Variants in RAD21 observed in about 807,000 individuals in gnomAD.
The protein encoded by RAD21 is RAD21 cohesin complex component.
Under a neutral mutation model 71.5 loss-of-function variants are expected in RAD21, and 18 were observed. The ratio of observed to expected loss-of-function variants is 0.25; its 90% CI spans 0.17 to 0.37. The LOEUF (loss-of-function observed/expected upper bound fraction) is 0.37. Ranked by LOEUF, RAD21 falls within the 10% of genes least tolerant of loss-of-function variation. The pLI is 1.00. For synonymous variants in RAD21, 248 were observed against 254.0 expected (o/e 0.98, Z 0.22); for missense variants, 493 against 769.1 (o/e 0.64, Z 4.25).
chr8:116,859,424 G>A (rs182607456), intron 4 of RAD21, among the ~76,000 whole-genome samples: 1 of 151,920 alleles, frequency 6.6e-6, no homozygotes, highest in Admixed American at 6.6e-5. Flanking sequence ...GTAGACATGG[G>A]GGGGCGGGAT....
At chr8:116,855,603 A>T (rs1312916728) in intron 8 of RAD21, among the ~76,000 whole-genome samples, 3 of 152,286 alleles carry the variant, frequency 2.0e-5, no homozygotes, top group African/African-American at 7.2e-5. Flanking sequence ...TACTATATTT[A>T]CTGCCCAAGC....
chr8:116,865,230 T>C (rs1414779897), intron 2 of RAD21, among the ~76,000 whole-genome samples: 1 of 152,128 alleles, frequency 6.6e-6, no homozygotes, highest in Non-Finnish European at 1.5e-5. Context: ...TTCGTGTATA[T>C]GTTCAATTAT....
At chr8:116,873,999 C>T (rs939116583) in intron 1 of RAD21, 1 of 152,240 alleles carries the variant, frequency 6.6e-6, no homozygotes, top group Non-Finnish European at 1.5e-5. Context: ...GCATTCCCAA[C>T]GTAAAAATTA....
intron 8 of RAD21, among the ~76,000 whole-genome samples, chr8:116,855,329 T>C (rs1224173897): frequency 6.6e-6 from 1 of 152,178 alleles, no homozygotes; most frequent in Admixed American, 6.5e-5. Flanking sequence ...TATCCTACTG[T>C]CCTCATAAAC....
intron 8 of RAD21, 129 bp from the exon 9 acceptor site, chr8:116,854,597 A>G (rs1353416668): frequency 1.4e-6 from 1 of 719,144 alleles, no homozygotes; most frequent in Non-Finnish European, 2.3e-6. Flanking sequence ...GTTAAACTTC[A>G]TGAGGATAGA....
At chr8:116,862,784 G>A (rs1812616336) in intron 3 of RAD21, among the ~76,000 whole-genome samples, 1 of 152,022 alleles carries the variant, frequency 6.6e-6, no homozygotes, top group Admixed American at 6.6e-5. Flanking sequence ...TGTCTTTTCT[G>A]AGCTATATTT....
intron 1 of RAD21, among the ~76,000 whole-genome samples, chr8:116,868,232 T>G (rs1210892602): frequency 6.6e-6 from 1 of 152,182 alleles, no homozygotes; most frequent in Non-Finnish European, 1.5e-5. Context: ...TTGAGAAAAT[T>G]ATATAAATGA....
At chr8:116,874,555 G>T in intron 1 of RAD21, 56 bp downstream of exon 1, 1 of 282,738 alleles carries the variant, frequency 3.5e-6, no homozygotes, top group East Asian at 1.3e-4. Context: ...AGAGCGGCGG[G>T]GAAAGGGTGG....
Position 116,860,752 on chromosome 8 carries a change from T to C in RAD21, c.374+1089A>G, listed in dbSNP as rs552369815. On this transcript the variant is annotated intron_variant, in intron 4 of 13. Coordinates refer to ENST00000297338, the MANE Select transcript of RAD21 (RefSeq NM_006265.3). ...CTGTGGTGGAACCAAACCCACAGTA[T>C]CTCCAAGGTATGTCTATATTAAGGA... Among the ~76,000 whole-genome samples, 12 of 152,308 alleles carry C rather than the reference T, an allele frequency of 7.9e-5. No homozygotes were observed. In the South Asian group the frequency reaches 2.5e-3, roughly 32 times the overall value.
chr8:116,870,083 TAA>T (rs1055050635), intron 1 of RAD21, among the ~76,000 whole-genome samples: 5 of 152,146 alleles, frequency 3.3e-5, no homozygotes, highest in East Asian at 1.9e-4. Context: ...CACTTAAGAG[TAA>T]AGAGTCTTGA....
chr8:116,853,989 G>C lies in RAD21; in HGVS notation c.1161+256C>G, dbSNP rs116736936. ...GATATAACTAATAATTTATTACAGA[G>C]AGAAGTATTATTAAACACGTCAGTG... On this transcript the variant is annotated intron_variant, in intron 9 of 13. Transcript: ENST00000297338. Among the ~76,000 whole-genome samples, 686 of 152,220 alleles carry C rather than the reference G, an allele frequency of 4.5e-3. 9 individuals carry two copies. The highest frequency in any genetic ancestry group is 0.016 in the African/African-American group (660 of 41,504).
chr8:116,874,654 G>A lies in RAD21; in HGVS notation c.-76C>T. The stretch of plus-strand genomic sequence containing the variant: ...TTGGGCGGGCTGGGTGGCCCGGGGA[G>A]GGGAAAAGGGTCGGGGGAGGGGGTG... On this transcript the variant is annotated 5_prime_UTR_variant, in exon 1 of 14. Coordinates refer to ENST00000297338, the MANE Select transcript of RAD21 (RefSeq NM_006265.3). 2.7e-6 allele frequency: 1 copy of A among 369,112 alleles called. No homozygotes were observed. The allele number at this position is 369,112 out of a possible 1,614,324, so 22.9% of individuals were successfully genotyped here. A position where few individuals can be genotyped will look rare whatever the true frequency, so the allele number is the denominator to read the frequency against.
rs561864306 is a variant in RAD21 at position 116,847,308 on chromosome 8, C to T, written c.*192G>A. On this transcript the variant is annotated 3_prime_UTR_variant, in exon 14 of 14. Coordinates refer to ENST00000297338, the MANE Select transcript of RAD21 (RefSeq NM_006265.3). The stretch of plus-strand genomic sequence containing the variant: ...TTTCTCCATCAGAACACAAACACAA[C>T]CCATCTAATCAGTTTCCCTCAAAGA... 357 of 512,152 alleles carry T rather than the reference C, an allele frequency of 7.0e-4. 1 individual carries two copies. Among genetic ancestry groups the T allele is most frequent in the Non-Finnish European group, 1.0e-3 (305 of 293,164 alleles). 31.7% of individuals were successfully genotyped at this position (512,152 alleles called of 1,614,324 possible). A position where few individuals can be genotyped will look rare whatever the true frequency, so the allele number is the denominator to read the frequency against.
intron 2 of RAD21, among the ~76,000 whole-genome samples, chr8:116,865,249 C>T (rs1383331119): frequency 6.6e-6 from 1 of 152,064 alleles, no homozygotes; most frequent in African/African-American, 2.4e-5. Context: ...ATCAGATTGT[C>T]TCATACTCGT....
At chr8:116,854,008 G>A (rs1055337275) in intron 9 of RAD21, among the ~76,000 whole-genome samples, 2 of 151,898 alleles carry the variant, frequency 1.3e-5, no homozygotes, top group African/African-American at 4.9e-5. Flanking sequence ...TATTAAACAC[G>A]TCAGTGGCTT....
At chr8:116,859,100 G>GAAAAAAA (rs34657051) in intron 4 of RAD21, among the ~76,000 whole-genome samples, 1 of 88,948 alleles carries the variant, frequency 1.1e-5, no homozygotes, top group Non-Finnish European at 2.7e-5. Context: ...CGAACTGGGA[G>GAAAAAAA]AAAAAAAAAA....
At chr8:116,868,619 AATTTAT>A (rs757867736) in intron 1 of RAD21, among the ~76,000 whole-genome samples, 21 of 152,176 alleles carry the variant, frequency 1.4e-4, no homozygotes, top group Non-Finnish European at 2.8e-4. Context: ...AAGATTATCA[AATTTAT>A]ATAGAAAAGC....
rs1450007910 is a variant in RAD21 at position 116,851,939 on chromosome 8, C to T, written c.1470+9G>A. The T allele has an allele frequency of 8.1e-6, 13 of 1,601,300 alleles. No individual in the cohort carries two copies. Among genetic ancestry groups the T allele is most frequent in the Non-Finnish European group, 1.1e-5 (13 of 1,170,856 alleles). On this transcript the variant is annotated intron_variant, in intron 11 of 13. Coordinates refer to ENST00000297338, the MANE Select transcript of RAD21 (RefSeq NM_006265.3). ...TCAAATGACTTAATGGATAGATTTG[C>T]TTACTTACAGGCATCACAGGCTCTG...
intron 9 of RAD21, 48 bp downstream of exon 9, chr8:116,854,197 T>TA: frequency 7.2e-7 from 1 of 1,394,196 alleles, no homozygotes; most frequent in Non-Finnish European, 9.9e-7. Context: ...CTTTTTTTTT[T>TA]AGATGCTCAA....
Sources: allele counts gnomAD v4.1 joint callset (sites outside exome capture counted in the v4.1 genomes callset), GRCh38; gene constraint gnomAD v4.1.1; transcripts MANE v1.5; gene names NCBI Gene and HGNC (gene_info 2026-07-23, HGNC 2026-07-21).